Variants in ECPAS observed in about 807,000 individuals in gnomAD.
The protein encoded by ECPAS is proteasome adapter and scaffold protein ECM29.
Under a neutral mutation model 255.1 loss-of-function variants are expected in ECPAS, and 70 were observed. That is an observed-to-expected ratio of 0.27 (90% CI 0.23 to 0.33). The LOEUF (loss-of-function observed/expected upper bound fraction) is 0.33, where lower values mean the gene tolerates loss of function less well. Among genes scored for constraint, ECPAS ranks in the 10% least tolerant of loss-of-function variants. ECPAS has a pLI of 1.00. For missense variants in ECPAS, 1,817 were observed against 2,206.4 expected (o/e 0.82, Z 3.54); for synonymous variants, 784 against 775.0 (o/e 1.01, Z -0.19).
chr9:111,401,745 C>T (rs2098176381), intron 24 of ECPAS, among the ~76,000 whole-genome samples: 1 of 152,180 alleles, frequency 6.6e-6, no homozygotes, highest in African/African-American at 2.4e-5. Flanking sequence ...ATTAATATTC[C>T]TTGCTGGGAA....
chr9:111,368,101 C>T (rs1374663632), intron 46 of ECPAS, among the ~76,000 whole-genome samples: 1 of 151,656 alleles, frequency 6.6e-6, no homozygotes, highest in Non-Finnish European at 1.5e-5. Context: ...TAGGACCCAA[C>T]ACAAGGCAAG....
At chr9:111,462,662 T>C (rs995653858) in intron 2 of ECPAS, among the ~76,000 whole-genome samples, 2 of 151,932 alleles carry the variant, frequency 1.3e-5, no homozygotes, top group Non-Finnish European at 2.9e-5. Context: ...CATGTCATAG[T>C]CCTTTACAGA....
At chr9:111,434,214 C>G (rs2098234331) in intron 7 of ECPAS, among the ~76,000 whole-genome samples, 1 of 152,140 alleles carries the variant, frequency 6.6e-6, no homozygotes, top group African/African-American at 2.4e-5. Context: ...CCCTCCCCTG[C>G]TCGATACAAC....
In ECPAS at chr9:111,397,044, T is replaced by C. The variant is rs1406887142; in HGVS notation, c.2762A>G (p.Tyr921Cys). ...ATATTTGGTACCAGCAGGTGGAGTATATTCCTCTTCAGTCATTTGCCAGGC... is the reference window on the plus strand; with the variant it reads ...ATATTTGGTACCAGCAGGTGGAGTACATTCCTCTTCAGTCATTTGCCAGGC... ...RDAWQMTEEE[Y>C]TPPAGAKVND... Residue 921 changes from tyrosine (Y) to cysteine (C), a missense_variant, in exon 25 of 50, where the codon TAT (tyrosine) becomes TGT (cysteine). Coordinates refer to ENST00000684092, the MANE Select transcript of ECPAS (RefSeq NM_001364929.1). 5 of 1,613,994 alleles carry C rather than the reference T, an allele frequency of 3.1e-6. No homozygotes were observed. The highest frequency in any genetic ancestry group is 1.1e-5 in the South Asian group (1 of 91,088).
At chr9:111,451,896 A>C (rs2098260750) in intron 2 of ECPAS, among the ~76,000 whole-genome samples, 2 of 152,238 alleles carry the variant, frequency 1.3e-5, no homozygotes, top group East Asian at 1.9e-4. Context: ...GCAAAACTTT[A>C]ATCAGATACC....
chr9:111,398,974 A>T (rs974977716), intron 24 of ECPAS, among the ~76,000 whole-genome samples: 1 of 152,194 alleles, frequency 6.6e-6, no homozygotes, highest in Non-Finnish European at 1.5e-5. Flanking sequence ...CTACTCTTTG[A>T]TAGCAAACTA....
chr9:111,467,737 G>A (rs929790854), intron 2 of ECPAS, among the ~76,000 whole-genome samples: 18 of 152,036 alleles, frequency 1.2e-4, no homozygotes, highest in African/African-American at 4.3e-4. Flanking sequence ...TCTCTCTAAT[G>A]GTATTTACTT....
In ECPAS at chr9:111,414,666, G is replaced by A; in HGVS notation, c.1765-15C>T. The A allele has an allele frequency of 6.3e-7, 1 of 1,599,106 alleles. No homozygotes were observed. ...TACAGAACGATCTACAAACAGAACG[G>A]AGAGGAAGACTGCATAAGCTTCTCG... On this transcript the variant is annotated splice_polypyrimidine_tract_variant and intron_variant, in intron 18 of 49. Coordinates refer to ENST00000684092, the MANE Select transcript of ECPAS (RefSeq NM_001364929.1).
chr9:111,370,381 T>C (rs2098125877), intron 45 of ECPAS, 54 bp downstream of exon 45: 1 of 1,265,786 alleles, frequency 7.9e-7, no homozygotes, highest in South Asian at 1.6e-5. Flanking sequence ...AAACAATTTT[T>C]TAACTTTTTC....
intron 5 of ECPAS, among the ~76,000 whole-genome samples, chr9:111,440,725 T>C (rs1406039828): frequency 1.3e-5 from 2 of 152,206 alleles, no homozygotes; most frequent in Non-Finnish European, 2.9e-5. Flanking sequence ...TATTGAGTGA[T>C]GATTAGCATT....
intron 2 of ECPAS, among the ~76,000 whole-genome samples, chr9:111,464,011 T>C (rs957439009): frequency 3.9e-5 from 6 of 152,298 alleles, no homozygotes; most frequent in Non-Finnish European, 5.9e-5. Context: ...AAAAAGTGCT[T>C]CTAGAATAAG....
chr9:111,397,179 G>C, intron 24 of ECPAS, 26 bp from the exon 25 acceptor site: 1 of 1,610,832 alleles, frequency 6.2e-7, no homozygotes, highest in Non-Finnish European at 8.5e-7. Context: ...TAAAAACCAT[G>C]AATGAGAAAA....
intron 10 of ECPAS, among the ~76,000 whole-genome samples, chr9:111,427,014 T>C (rs2098222688): frequency 6.6e-6 from 1 of 151,660 alleles, no homozygotes; most frequent in Non-Finnish European, 1.5e-5. Context: ...TATAATCAAG[T>C]GCTACATTAT....
chr9:111,394,854 C>A (rs1166111649), intron 25 of ECPAS, among the ~76,000 whole-genome samples: 1 of 152,176 alleles, frequency 6.6e-6, no homozygotes, highest in African/African-American at 2.4e-5. Flanking sequence ...GGGGAAAAAT[C>A]TCATTCCTCC....
chr9:111,374,082 T>A (rs2098130596), intron 38 of ECPAS, 44 bp from the exon 39 acceptor site: 2 of 1,467,482 alleles, frequency 1.4e-6, no homozygotes, highest in South Asian at 2.3e-5. Context: ...ATGGTCACAA[T>A]GTTCTACCTA....
At chr9:111,386,354 A>G (rs1194638245) in intron 32 of ECPAS, 23 bp downstream of exon 32, 4 of 1,458,512 alleles carry the variant, frequency 2.7e-6, no homozygotes, top group Non-Finnish European at 3.8e-6. Flanking sequence ...ATTTGACTAA[A>G]CTTATATTCC....
intron 9 of ECPAS, among the ~76,000 whole-genome samples, chr9:111,428,669 A>C (rs2131833447): frequency 6.6e-6 from 1 of 152,264 alleles, no homozygotes; most frequent in East Asian, 1.9e-4. Context: ...TTCTTAGGTA[A>C]TTGTGGACAT....
chr9:111,366,252 G>T lies in ECPAS; in HGVS notation c.5295C>A (p.Ile1765=), dbSNP rs1475070543. 1.3e-6 allele frequency: 2 copies of T among 1,567,854 alleles called. No individual in the cohort carries two copies. Among genetic ancestry groups the T allele is most frequent in the Non-Finnish European group, 8.7e-7 (1 of 1,154,180 alleles). The part of the protein sequence containing the change: ...AEILLETCKS[I]TYSLENKTYS... ...TACTACACTCACCTAAAGAATATGT[G>T]ATTGATTTACAAGTTTCAAGCAGAA... Residue 1765 remains isoleucine, a synonymous_variant, in exon 48 of 50, where the codon ATC becomes ATA. Transcript: ENST00000684092.
chr9:111,434,318 A>C (rs991285044), intron 7 of ECPAS, among the ~76,000 whole-genome samples: 1 of 152,240 alleles, frequency 6.6e-6, no homozygotes, highest in East Asian at 1.9e-4. Context: ...GATATAAACT[A>C]AACAAAAAAT....
Sources: gnomAD v4.1 joint callset for allele counts (sites outside exome capture counted in the v4.1 genomes callset) on GRCh38, gnomAD v4.1.1 for gene constraint, MANE v1.5 for transcripts, NCBI Gene and HGNC (gene_info 2026-07-23, HGNC 2026-07-21) for gene names.